The following ZNF747 variants were observed in gnomAD, a reference collection of about 807,000 sequenced individuals.
ZNF747 encodes the protein zinc finger protein 747, also known as KRAB domain-containing protein ZNF747.
Under a neutral mutation model 13.4 loss-of-function variants are expected in ZNF747, and 14 were observed. The observed-to-expected ratio is 1.04, with a 90% CI of 0.69 to 1.63. The LOEUF (loss-of-function observed/expected upper bound fraction) is 1.63, where lower values mean the gene tolerates loss of function less well. Ranked by LOEUF, ZNF747 falls within the 40% of genes most tolerant of loss-of-function variation. The probability of loss-of-function intolerance (pLI) is 0.00; values close to 1 mark genes in which losing one functional copy is unlikely to be tolerated. For missense variants in ZNF747, 532 were observed against 477.9 expected, an observed-to-expected ratio of 1.11 and a Z score of -1.05; for synonymous variants, 212 against 206.5, an observed-to-expected ratio of 1.03 and a Z score of -0.23.
chr16:30,533,752 A>T (rs1265473487), intron 2 of ZNF747, among the ~76,000 whole-genome samples: 13 of 106,514 alleles, frequency 1.2e-4, no homozygotes, highest in South Asian at 2.7e-4. Flanking sequence ...TTTTTTAATT[A>T]AAAAAAAAAA....
chr16:30,534,355 G>T (rs879690962), intron 1 of ZNF747, 45 bp from the exon 2 acceptor site: 55 of 1,555,888 alleles, frequency 3.5e-5, no homozygotes, highest in Non-Finnish European at 4.7e-5. Flanking sequence ...GAGGCCGCCT[G>T]CCCGGCCCCG....
At chr16:30,534,332 C>T in intron 1 of ZNF747, 22 bp from the exon 2 acceptor site, 2 of 1,561,658 alleles carry the variant, frequency 1.3e-6, no homozygotes, top group Non-Finnish European at 1.7e-6. Flanking sequence ...GAACGCAAAC[C>T]CCACGCTGCG....
In ZNF747 at chr16:30,532,181, C is replaced by T; in HGVS notation, c.*318G>A. The T allele has an allele frequency of 2.3e-6, 1 of 443,304 alleles. No individual in the cohort carries two copies. Among genetic ancestry groups the T allele is most frequent in the Non-Finnish European group, 4.0e-6 (1 of 249,450 alleles). 27.5% of individuals were successfully genotyped at this position (443,304 alleles called of 1,614,324 possible). A position where few individuals can be genotyped will look rare whatever the true frequency, so the allele number is the denominator to read the frequency against. ...TAAAAAAGTAAAAAGAAAAAGACAACAGAGAAAACAAGGTTCTTCTCTACC... is the reference window on the plus strand; with the variant it reads ...TAAAAAAGTAAAAAGAAAAAGACAATAGAGAAAACAAGGTTCTTCTCTACC... On this transcript the variant is annotated 3_prime_UTR_variant, in exon 3 of 3. Transcript: ENST00000693075.
Position 30,534,256 on chromosome 16 carries a change from A to G in ZNF747, c.284T>C (p.Leu95Pro), listed in dbSNP as rs775097325. 1.9e-6 allele frequency: 3 copies of G among 1,602,234 alleles called. No homozygotes were observed. Among genetic ancestry groups the G allele is most frequent in the Non-Finnish European group, 2.6e-6 (3 of 1,174,762 alleles). Residue 95 changes from leucine (L) to proline (P), a missense_variant, in exon 2 of 3, where the codon CTG becomes CCG. Physicochemically the swap from Leu to Pro is moderately conservative, Grantham distance 98. Coordinates refer to ENST00000693075, the MANE Select transcript of ZNF747 (RefSeq NM_001305018.2). The stretch of plus-strand genomic sequence containing the variant: ...CGGATCCTGGGCAGCCGGATCCCAC[A>G]GTTCGGCCTTCTCCTCCACCCAGGA... ...LISWVEEKAE[L>P]WDPAAQDPEV...
At chr16:30,533,890 C>T (rs1285805293) in intron 2 of ZNF747, among the ~76,000 whole-genome samples, 1 of 151,998 alleles carries the variant, frequency 6.6e-6, no homozygotes, top group East Asian at 1.9e-4. Flanking sequence ...GCTATGATGG[C>T]GCCACTGCAC....
intron 2 of ZNF747, among the ~76,000 whole-genome samples, chr16:30,533,418 G>C (rs1192127363): frequency 6.6e-6 from 1 of 152,180 alleles, no homozygotes; most frequent in African/African-American, 2.4e-5. Flanking sequence ...GCGGACACCT[G>C]GGGATATTCC....
At position 30,530,724 on chromosome 16, in the gene ZNF747, C is replaced by T. The variant is rs1567501034; in HGVS notation, c.*1775G>A. 2 of 152,440 alleles carry T rather than the reference C, an allele frequency of 1.3e-5. No homozygotes were observed. Among genetic ancestry groups the T allele is most frequent in the East Asian group, 3.9e-4 (2 of 5,190 alleles). 9.4% of individuals were successfully genotyped at this position (152,440 alleles called of 1,614,324 possible). On this transcript the variant is annotated 3_prime_UTR_variant, in exon 3 of 3. Coordinates refer to ENST00000693075, the MANE Select transcript of ZNF747 (RefSeq NM_001305018.2). This position sits in a 1 kb window ranked among gnomAD's most constrained non-coding sequence, Gnocchi z 4.4. ...TGTCTTTTCTCCAAAACTTCTACCT[C>T]CTTTCAGGCTGATAAATCTGGTTCC...
rs756914802 is a variant in ZNF747, at chr16:30,532,769, C to G, written c.726G>C (p.Glu242Asp). ...HRGERPHRCP[E>D]CGRAFMRRTA... ...TGCGGCGCATGAAGGCCCGACCACA[C>G]TCGGGACAGCGGTGGGGCCGCTCCC... The change falls in exon 3 of 3, where the codon GAG becomes GAC. Residue 242 changes from glutamate (E) to aspartate (D), a missense_variant. By Grantham distance (45) the Glu-to-Asp change is conservative. Coordinates refer to ENST00000693075, the MANE Select transcript of ZNF747 (RefSeq NM_001305018.2). 6 of 1,548,490 alleles carry G rather than the reference C, an allele frequency of 3.9e-6. No homozygotes were observed. In the East Asian group the frequency reaches 1.2e-4, roughly 31 times the overall value.
chr16:30,533,000 A>T lies in ZNF747; in HGVS notation c.495T>A (p.Ser165Arg). The T allele has an allele frequency of 6.2e-7, 1 of 1,606,514 alleles. No homozygotes were observed. The highest frequency in any genetic ancestry group is 1.1e-5 in the South Asian group (1 of 90,850). Residue 165 changes from serine (S) to arginine (R), a missense_variant, in exon 3 of 3, where the codon AGT becomes AGA. Coordinates refer to ENST00000693075, the MANE Select transcript of ZNF747 (RefSeq NM_001305018.2). ...GGGGGTGGGCAAAAAAGCGGGGGCG[A>T]CTCCGGCGCCGGGCCTTGGACAGCT... is the stretch of plus-strand genomic sequence containing the variant. The part of the protein sequence containing the change: ...LEQLSKARRR[S>R]RPRFFAHPPV...
At chr16:30,534,161 A>G (rs773783593) in intron 2 of ZNF747, 36 bp downstream of exon 2, 9 of 1,595,010 alleles carry the variant, frequency 5.6e-6, no homozygotes, top group Admixed American at 1.7e-5. Flanking sequence ...ACAGGAACAG[A>G]GAAGTCCCCA....
chr16:30,533,004 C>A lies in ZNF747; in HGVS notation c.491G>T (p.Arg164Leu). ...GLEQLSKARR[R>L]SRPRFFAHPP... ...GTGGGCAAAAAAGCGGGGGCGACTC[C>A]GGCGCCGGGCCTTGGACAGCTGCTC... is the stretch of plus-strand genomic sequence containing the variant. The change falls in exon 3 of 3, where the codon CGG becomes CTG. Residue 164 changes from arginine to leucine, a missense_variant. Transcript: ENST00000693075. The A allele has an allele frequency of 6.2e-7, 1 of 1,610,102 alleles. No individual in the cohort carries two copies. Among genetic ancestry groups the A allele is most frequent in the Non-Finnish European group, 8.5e-7 (1 of 1,179,312 alleles).
Position 30,533,023 on chromosome 16 carries a change from G to A in ZNF747, c.472C>T (p.Leu158=). ...CGACTCCGGCGCCGGGCCTTGGACA[G>A]CTGCTCCAACCCGGCAAAGGGGGCT... is the stretch of plus-strand genomic sequence containing the variant. The part of the protein sequence containing the change: ...PQAPFAGLEQ[L]SKARRRSRPR... Residue 158 remains leucine (L), a synonymous_variant, in exon 3 of 3, where the codon CTG becomes TTG. Coordinates refer to ENST00000693075, the MANE Select transcript of ZNF747 (RefSeq NM_001305018.2). The A allele has an allele frequency of 6.2e-7, 1 of 1,612,100 alleles. No individual in the cohort carries two copies. The highest frequency in any genetic ancestry group is 2.2e-5 in the East Asian group (1 of 44,868).
In ZNF747 at chr16:30,534,199, G is replaced by T. The variant is rs762131776; in HGVS notation, c.341C>A (p.Pro114Gln). The change falls in exon 2 of 3, where the codon CCA becomes CAA. Residue 114 changes from proline (P) to glutamine (Q), a missense_variant and splice_region_variant. Transcript: ENST00000693075. Reference protein sequence around the residue: ...EVAKCPTEADPADSRNKEEER... With the variant: ...EVAKCPTEADQADSRNKEEER... ...GGACTGAGCACCCGATACTCCACCTGGGTCCGCTTCTGTCGGACACTTCGC... is the reference window on the plus strand; with the variant it reads ...GGACTGAGCACCCGATACTCCACCTTGGTCCGCTTCTGTCGGACACTTCGC... 1.2e-6 allele frequency: 2 copies of T among 1,610,766 alleles called. No homozygotes were observed. The highest frequency in any genetic ancestry group is 2.2e-5 in the South Asian group (2 of 90,452).
At chr16:30,534,335 A>G (rs1190691188) in intron 1 of ZNF747, 25 bp from the exon 2 acceptor site, 8 of 1,560,664 alleles carry the variant, frequency 5.1e-6, no homozygotes. Flanking sequence ...CGCAAACCCC[A>G]CGCTGCGAGG....
chr16:30,534,738 C>A lies in ZNF747; in HGVS notation c.-59G>T. 1.4e-6 allele frequency: 2 copies of A among 1,463,418 alleles called. No homozygotes were observed. The highest frequency in any genetic ancestry group is 1.8e-6 in the Non-Finnish European group (2 of 1,110,738). 90.7% of individuals were successfully genotyped at this position (1,463,418 alleles called of 1,614,324 possible). ...CCGCGCCCGAGAACACTTCCCCGGCCCGGTACCAAGGGAAGGAGGGACGTC... is the reference window on the plus strand; with the variant it reads ...CCGCGCCCGAGAACACTTCCCCGGCACGGTACCAAGGGAAGGAGGGACGTC... On this transcript the variant is annotated 5_prime_UTR_variant, in exon 1 of 3. Coordinates refer to ENST00000693075, the MANE Select transcript of ZNF747 (RefSeq NM_001305018.2).
At position 30,532,591 on chromosome 16, in the gene ZNF747, C is replaced by G; in HGVS notation, c.904G>C (p.Gly302Arg). The change falls in exon 3 of 3, where the codon GGG (glycine) becomes CGG (arginine). Residue 302 changes from glycine to arginine, a missense_variant. By Grantham distance (125) the Gly-to-Arg change is moderately radical (BLOSUM62 -2). Transcript: ENST00000693075. ...ACAGGAGTCAGGGTCACAGACAGCC[C>G]CCCAGGGCGCCGGCCCCTACGCCCC... ...GEGRRGRRPG[G>R]LSVTLTPVRG... The G allele has an allele frequency of 6.4e-7, 1 of 1,565,590 alleles. No homozygotes were observed. Among genetic ancestry groups the G allele is most frequent in the Non-Finnish European group, 8.6e-7 (1 of 1,158,826 alleles).
intron 2 of ZNF747, among the ~76,000 whole-genome samples, chr16:30,533,826 CG>C (rs973121263): frequency 1.3e-5 from 2 of 150,970 alleles, no homozygotes; most frequent in African/African-American, 4.9e-5. Context: ...GAGGCCCACG[CG>C]GGAGGATTGG....
intron 2 of ZNF747, 40 bp from the exon 3 acceptor site, chr16:30,533,191 C>T (rs1046741805): frequency 3.1e-6 from 5 of 1,611,370 alleles, no homozygotes; most frequent in Non-Finnish European, 4.2e-6. Context: ...TTGGCTCATC[C>T]TGGTCATTGA....
chr16:30,534,164 A>T (rs576994450), intron 2 of ZNF747, 33 bp downstream of exon 2: 5 of 1,596,740 alleles, frequency 3.1e-6, no homozygotes, highest in African/African-American at 2.7e-5. Flanking sequence ...GGAACAGAGA[A>T]GTCCCCATGG....
Sources: allele counts gnomAD v4.1 joint callset (sites outside exome capture counted in the v4.1 genomes callset), GRCh38; gene constraint gnomAD v4.1.1; non-coding constraint Gnocchi (gnomAD v3.1); transcripts MANE v1.5; gene names NCBI Gene and HGNC (gene_info 2026-07-23, HGNC 2026-07-21).